The following EYS variants were observed in gnomAD, a reference collection of about 807,000 sequenced individuals.
EYS encodes the protein protein eyes shut homolog.
In EYS, 250 loss-of-function variants were observed where a neutral mutation model predicts 282.1. That is an observed-to-expected ratio of 0.89 (90% confidence interval 0.80 to 0.98). The LOEUF is 0.98. Ranked by LOEUF, EYS falls within the 50% of genes least tolerant of loss-of-function variation. EYS has a pLI of 0.00. For missense variants in EYS, 4,016 were observed against 3,709.0 expected, an observed-to-expected ratio of 1.08 and a Z score of -2.15; for synonymous variants, 1,355 against 1,282.9, an observed-to-expected ratio of 1.06 and a Z score of -1.20.
chr6:65,478,217 T>A (rs1430668506), intron 5 of EYS, among the ~76,000 whole-genome samples: 1 of 152,136 alleles, frequency 6.6e-6, no homozygotes, highest in Non-Finnish European at 1.5e-5. Context: ...AGAGAAAATA[T>A]GAATGTATAT....
At chr6:64,717,317 C>T (rs1397691658) in intron 22 of EYS, among the ~76,000 whole-genome samples, 3 of 152,182 alleles carry the variant, frequency 2.0e-5, no homozygotes, top group Non-Finnish European at 4.4e-5. Context: ...AACCTGTCTG[C>T]TAATGTTAAT....
intron 26 of EYS, among the ~76,000 whole-genome samples, chr6:64,553,261 CTTAAT>C (rs1765142245): frequency 1.3e-5 from 2 of 152,124 alleles, no homozygotes; most frequent in Non-Finnish European, 2.9e-5. Flanking sequence ...CAGCAATATA[CTTAAT>C]TATCATGAGC....
chr6:64,915,643 TACAA>T (rs1159422300), intron 15 of EYS, among the ~76,000 whole-genome samples: 3 of 152,188 alleles, frequency 2.0e-5, no homozygotes, highest in Non-Finnish European at 4.4e-5. Context: ...TGAGCCTAAA[TACAA>T]TGTGTATCTC....
At chr6:65,260,336 A>G (rs1767587736) in intron 12 of EYS, among the ~76,000 whole-genome samples, 1 of 152,104 alleles carries the variant, frequency 6.6e-6, no homozygotes, top group African/African-American at 2.4e-5. Context: ...AAGCTTAACC[A>G]TATCACTCAA....
chr6:65,029,981 C>T (rs1186154461), intron 13 of EYS, among the ~76,000 whole-genome samples: 1 of 152,144 alleles, frequency 6.6e-6, no homozygotes, highest in Non-Finnish European at 1.5e-5. Flanking sequence ...CAGGACACCT[C>T]ATGGCCACCA....
chr6:65,333,279 T>G (rs931659279), intron 11 of EYS, among the ~76,000 whole-genome samples: 1 of 151,630 alleles, frequency 6.6e-6, no homozygotes. Flanking sequence ...CTCTTGCAAT[T>G]TCACTTTGAT....
chr6:65,189,756 T>G (rs1278750327), intron 12 of EYS, among the ~76,000 whole-genome samples: 1 of 151,746 alleles, frequency 6.6e-6, no homozygotes, highest in Non-Finnish European at 1.5e-5. Context: ...ACTCCCTAAG[T>G]GTCGAGTAGC....
chr6:65,308,874 T>C (rs1461091250), intron 11 of EYS, among the ~76,000 whole-genome samples: 1 of 151,398 alleles, frequency 6.6e-6, no homozygotes, highest in African/African-American at 2.4e-5. Context: ...GAAGATATTG[T>C]TTAAGATCCA....
intron 33 of EYS, among the ~76,000 whole-genome samples, chr6:64,060,281 T>C (rs1362695459): frequency 1.3e-5 from 2 of 152,138 alleles, no homozygotes; most frequent in African/African-American, 4.8e-5. Context: ...TAATAGAGTA[T>C]GGATATTCTT....
intron 31 of EYS, among the ~76,000 whole-genome samples, chr6:64,203,194 A>C (rs569922529): frequency 1.3e-5 from 2 of 152,338 alleles, no homozygotes; most frequent in Admixed American, 1.3e-4. Context: ...TCTGCTGTGA[A>C]GGGTAGCAAT....
intron 26 of EYS, among the ~76,000 whole-genome samples, chr6:64,523,015 G>T (rs1390949059): frequency 2.0e-5 from 3 of 151,090 alleles, no homozygotes; most frequent in East Asian, 3.9e-4. Context: ...AATGTCAAGG[G>T]TTGATATGTC....
chr6:64,613,263 T>G (rs1767167761), intron 24 of EYS, among the ~76,000 whole-genome samples: 1 of 152,118 alleles, frequency 6.6e-6, no homozygotes, highest in Non-Finnish European at 1.5e-5. Context: ...CCATTCAAGT[T>G]GAGATACCTG....
intron 29 of EYS, among the ~76,000 whole-genome samples, chr6:64,312,117 T>A (rs1191433618): frequency 6.6e-6 from 1 of 151,838 alleles, no homozygotes; most frequent in Admixed American, 6.6e-5. Flanking sequence ...CCCAACAAGC[T>A]AAGATCCAGT....
intron 26 of EYS, among the ~76,000 whole-genome samples, chr6:64,453,100 A>C (rs1459585201): frequency 6.6e-6 from 1 of 151,722 alleles, no homozygotes; most frequent in Non-Finnish European, 1.5e-5. Flanking sequence ...AAATTTTTGC[A>C]ACCTCATCTG....
At chr6:65,327,253 G>A (rs1025082870) in intron 11 of EYS, among the ~76,000 whole-genome samples, 11 of 151,514 alleles carry the variant, frequency 7.3e-5, no homozygotes, top group Admixed American at 2.0e-4. Flanking sequence ...TCGGTTGTGT[G>A]TTTTTGATCC....
intron 11 of EYS, among the ~76,000 whole-genome samples, chr6:65,327,667 C>A (rs186112311): frequency 1.4e-3 from 208 of 151,536 alleles, no homozygotes; most frequent in African/African-American, 4.9e-3. Flanking sequence ...TAAAAATTAA[C>A]CAAGATAATT....
intron 33 of EYS, among the ~76,000 whole-genome samples, chr6:64,022,157 C>G (rs1769222743): frequency 6.6e-6 from 1 of 152,150 alleles, no homozygotes; most frequent in Non-Finnish European, 1.5e-5. Flanking sequence ...CAGATGTTGT[C>G]CAAATTACCC....
At chr6:65,323,774 G>T (rs2796896) in intron 11 of EYS, among the ~76,000 whole-genome samples, 125,062 of 126,980 alleles carry the variant, frequency 0.98, 61,598 homozygotes, top group East Asian at 1. Flanking sequence ...TCTATTTAAC[G>T]GCTACCTCTA....
At chr6:64,812,240 TACAC>T (rs71739816) in intron 22 of EYS, among the ~76,000 whole-genome samples, 5,478 of 147,994 alleles carry the variant, frequency 0.037, 302 homozygotes, top group African/African-American at 0.12. Context: ...GGATTTAAAA[TACAC>T]ACACACACAC....
Sources: gnomAD v4.1 joint callset for allele counts (sites outside exome capture counted in the v4.1 genomes callset) on GRCh38, gnomAD v4.1.1 for gene constraint, MANE v1.5 for transcripts, NCBI Gene and HGNC (gene_info 2026-07-23, HGNC 2026-07-21) for gene names.